Variants in TRABD2B observed in about 807,000 individuals in gnomAD.
The protein encoded by TRABD2B is metalloprotease TIKI2.
TRABD2B carries 14 observed loss-of-function variants against 40.1 expected under a neutral mutation model. The observed-to-expected ratio is 0.35, with a 90% CI of 0.23 to 0.55. The LOEUF is 0.55. Among genes scored for constraint, TRABD2B ranks in the 20% least tolerant of loss-of-function variants. The pLI is 0.90. For synonymous variants in TRABD2B, 263 were observed against 277.0 expected, an observed-to-expected ratio of 0.95 and a Z score of 0.50; for missense variants, 541 against 648.6, an observed-to-expected ratio of 0.83 and a Z score of 1.80.
intron 2 of TRABD2B, among the ~76,000 whole-genome samples, chr1:47,915,565 G>A (rs1420712249): frequency 6.6e-6 from 1 of 152,200 alleles, no homozygotes; most frequent in East Asian, 1.9e-4. Context: ...TAGGTGCCTA[G>A]GTTCACACAG....
At chr1:47,952,605 C>A (rs1307139689) in intron 2 of TRABD2B, among the ~76,000 whole-genome samples, 1 of 152,196 alleles carries the variant, frequency 6.6e-6, no homozygotes, top group African/African-American at 2.4e-5. Context: ...CTCGAGCACA[C>A]CTCTCCCTCT....
chr1:47,893,059 T>C (rs1644470040), intron 2 of TRABD2B, among the ~76,000 whole-genome samples: 2 of 152,224 alleles, frequency 1.3e-5, no homozygotes, highest in South Asian at 4.1e-4. Context: ...CATTGTGAGG[T>C]CAGTGGTGAG....
intron 2 of TRABD2B, among the ~76,000 whole-genome samples, chr1:47,805,574 T>C (rs1644880450): frequency 6.6e-6 from 1 of 152,168 alleles, no homozygotes; most frequent in South Asian, 2.1e-4. Context: ...AATGTCTCCA[T>C]TAGCAGACAT....
chr1:47,966,749 A>G (rs145022199), intron 2 of TRABD2B, among the ~76,000 whole-genome samples: 11 of 152,012 alleles, frequency 7.2e-5, no homozygotes, highest in Non-Finnish European at 1.6e-4. Flanking sequence ...TACTGAAAAT[A>G]TAAAAATTAG....
intron 2 of TRABD2B, among the ~76,000 whole-genome samples, chr1:47,841,441 A>G (rs555395464): frequency 6.6e-6 from 1 of 152,318 alleles, no homozygotes; most frequent in African/African-American, 2.4e-5. Context: ...GAATCCCTGA[A>G]CTGTCACACA....
intron 2 of TRABD2B, among the ~76,000 whole-genome samples, chr1:47,991,560 G>A (rs1490637398): frequency 1.3e-5 from 2 of 151,960 alleles, no homozygotes; most frequent in Admixed American, 6.6e-5. Context: ...CTTTTTCCAG[G>A]GTTCCAAAAC....
intron 2 of TRABD2B, among the ~76,000 whole-genome samples, chr1:47,840,300 C>G (rs1193589168): frequency 6.6e-6 from 1 of 152,178 alleles, no homozygotes. Context: ...TTCGACAAGG[C>G]CCCCAGAGGT....
chr1:47,916,797 C>T (rs1644835844), intron 2 of TRABD2B, among the ~76,000 whole-genome samples: 1 of 152,244 alleles, frequency 6.6e-6, no homozygotes, highest in South Asian at 2.1e-4. Context: ...AAACCCACTT[C>T]ACAGTTGCCT....
At chr1:47,886,975 C>T (rs753649017) in intron 2 of TRABD2B, among the ~76,000 whole-genome samples, 8 of 151,040 alleles carry the variant, frequency 5.3e-5, no homozygotes, top group East Asian at 2.0e-4. Context: ...AGTGGGGTGG[C>T]GCAGAGAAAG....
At chr1:47,815,615 G>T (rs1443222668) in intron 2 of TRABD2B, among the ~76,000 whole-genome samples, 1 of 152,162 alleles carries the variant, frequency 6.6e-6, no homozygotes, top group African/African-American at 2.4e-5. Context: ...CCTCCAAGAA[G>T]GCCTTCCCTT....
intron 2 of TRABD2B, among the ~76,000 whole-genome samples, chr1:47,866,001 A>T (rs867572730): frequency 2.6e-5 from 4 of 152,010 alleles, no homozygotes; most frequent in Admixed American, 6.6e-5. Flanking sequence ...TAAGGATTAA[A>T]GTCTGAACAT....
chr1:47,806,931 C>T (rs967437047), intron 2 of TRABD2B, among the ~76,000 whole-genome samples: 1 of 152,150 alleles, frequency 6.6e-6, no homozygotes, highest in African/African-American at 2.4e-5. Flanking sequence ...AGTCTGCTCA[C>T]CCAACTCAAA....
At chr1:47,833,721 A>G (rs976114922) in intron 2 of TRABD2B, among the ~76,000 whole-genome samples, 1 of 152,146 alleles carries the variant, frequency 6.6e-6, no homozygotes, top group Non-Finnish European at 1.5e-5. Flanking sequence ...ATTCTCTTAC[A>G]TCCAGCTTGC....
intron 2 of TRABD2B, among the ~76,000 whole-genome samples, chr1:47,911,189 A>G (rs72692148): frequency 0.25 from 37,857 of 152,162 alleles, 4,765 homozygotes; most frequent in Admixed American, 0.28. Flanking sequence ...CTTATAGGGT[A>G]ATTGTGACAA....
rs1445817429 is a variant in TRABD2B, at chr1:47,765,929, G to A, written c.1527C>T (p.Phe509=). Residue 509 remains phenylalanine, a synonymous_variant, in exon 7 of 7, where the codon TTC becomes TTT. Coordinates refer to ENST00000606738, the MANE Select transcript of TRABD2B (RefSeq NM_001194986.2). ...AGGAGGGCCCAAGGCTATGCAGCAG[G>A]AAGCAGACAGCGATGGTGGTGGCGA... The part of the protein sequence containing the change: ...PAIATTIAVC[F]LLHSLGPS The A allele has an allele frequency of 2.8e-6, 2 of 702,924 alleles. No homozygotes were observed. Among genetic ancestry groups the A allele is most frequent in the Non-Finnish European group, 5.2e-6 (2 of 384,990 alleles). 43.5% of individuals were successfully genotyped at this position (702,924 alleles called of 1,614,324 possible).
chr1:47,892,935 C>T (rs1460183764), intron 2 of TRABD2B, among the ~76,000 whole-genome samples: 6 of 152,176 alleles, frequency 3.9e-5, no homozygotes, highest in East Asian at 1.9e-4. Flanking sequence ...TAAAATTTTA[C>T]GAGGGCATCC....
chr1:47,808,217 A>T (rs1398226485), intron 2 of TRABD2B, among the ~76,000 whole-genome samples: 1 of 151,460 alleles, frequency 6.6e-6, no homozygotes. Flanking sequence ...TGCAGCATCA[A>T]CTCTTCCCTG....
intron 2 of TRABD2B, among the ~76,000 whole-genome samples, chr1:47,812,835 A>G (rs1014187838): frequency 2.0e-5 from 3 of 152,162 alleles, no homozygotes; most frequent in African/African-American, 7.2e-5. Context: ...TCAGTAGTGG[A>G]GGGTCTTCAA....
intron 2 of TRABD2B, among the ~76,000 whole-genome samples, chr1:47,913,136 T>C (rs1644784951): frequency 6.6e-6 from 1 of 152,210 alleles, no homozygotes; most frequent in South Asian, 2.1e-4. Context: ...CAACAGACTT[T>C]TGGGGAAAAT....
Sources: gnomAD v4.1 joint callset for allele counts (sites outside exome capture counted in the v4.1 genomes callset) on GRCh38, gnomAD v4.1.1 for gene constraint, MANE v1.5 for transcripts, NCBI Gene and HGNC (gene_info 2026-07-23, HGNC 2026-07-21) for gene names.